Variants in HOOK3 observed in about 807,000 individuals in gnomAD.
HOOK3 encodes the protein hook microtubule tethering protein 3, also known as protein Hook homolog 3.
A neutral mutation model predicts 116.3 loss-of-function variants in HOOK3; 24 were observed. The observed-to-expected ratio is 0.21, with a 90% CI of 0.15 to 0.29. The LOEUF (loss-of-function observed/expected upper bound fraction) is 0.29, where lower values mean the gene tolerates loss of function less well. HOOK3 is among the 10% of genes least tolerant of loss of function. HOOK3 has a pLI of 1.00. For synonymous variants in HOOK3, 275 were observed against 283.0 expected, an observed-to-expected ratio of 0.97 and a Z score of 0.28; for missense variants, 632 against 830.2, an observed-to-expected ratio of 0.76 and a Z score of 2.93.
At chr8:42,941,330 A>G (rs1481936358) in intron 4 of HOOK3, among the ~76,000 whole-genome samples, 2 of 150,366 alleles carry the variant, frequency 1.3e-5, no homozygotes, top group Non-Finnish European at 3.0e-5. Flanking sequence ...CCTGGCTAAC[A>G]CGGTGAAACC....
chr8:42,966,456 T>C lies in HOOK3; in HGVS notation c.780-17T>C. On this transcript the variant is annotated splice_polypyrimidine_tract_variant and intron_variant, in intron 9 of 21. Coordinates refer to ENST00000307602, the MANE Select transcript of HOOK3 (RefSeq NM_032410.4). ...CAGTAAATAGTGCTTTCTTGGTCTA[T>C]TTTATATCGGTTACAGACTAGAAGC... The C allele has an allele frequency of 6.2e-7, 1 of 1,613,480 alleles. No individual in the cohort carries two copies. The highest frequency in any genetic ancestry group is 8.5e-7 in the Non-Finnish European group (1 of 1,179,530).
Position 42,964,299 on chromosome 8 carries a change from A to G in HOOK3, c.616-12A>G, listed in dbSNP as rs762451450. On this transcript the variant is annotated splice_polypyrimidine_tract_variant and intron_variant, in intron 8 of 21. Coordinates refer to ENST00000307602, the MANE Select transcript of HOOK3 (RefSeq NM_032410.4). ...TGGAAGAAATAACTGCCGTCGTCCTATATTCCAACAGGTTGCAGCATTGCA... is the reference window on the plus strand; with the variant it reads ...TGGAAGAAATAACTGCCGTCGTCCTGTATTCCAACAGGTTGCAGCATTGCA... The G allele has an allele frequency of 5.6e-6, 9 of 1,613,842 alleles. No homozygotes were observed. Among genetic ancestry groups the G allele is most frequent in the South Asian group, 5.5e-5 (5 of 91,080 alleles).
At chr8:42,936,116 G>C (rs913436774) in intron 4 of HOOK3, among the ~76,000 whole-genome samples, 2 of 152,050 alleles carry the variant, frequency 1.3e-5, no homozygotes, top group Non-Finnish European at 1.5e-5. Flanking sequence ...CATCCCTTGT[G>C]AGTTGTGTAT....
chr8:42,980,017 G>GC (rs1808908645), intron 13 of HOOK3, among the ~76,000 whole-genome samples: 1 of 147,478 alleles, frequency 6.8e-6, no homozygotes, highest in Non-Finnish European at 1.5e-5. Context: ...AGGCTGGAGC[G>GC]CAATGGTGCG....
intron 2 of HOOK3, among the ~76,000 whole-genome samples, chr8:42,916,815 A>G (rs1807542624): frequency 6.6e-6 from 1 of 152,196 alleles, no homozygotes. Context: ...AAACCTGCAC[A>G]TAACAAAGGC....
At position 42,966,632 on chromosome 8, in the gene HOOK3, C is replaced by T; in HGVS notation, c.920+19C>T. 1.2e-6 allele frequency: 2 copies of T among 1,611,136 alleles called. No individual in the cohort carries two copies. The highest frequency in any genetic ancestry group is 1.7e-6 in the Non-Finnish European group (2 of 1,177,750). On this transcript the variant is annotated intron_variant, in intron 10 of 21. Coordinates refer to ENST00000307602, the MANE Select transcript of HOOK3 (RefSeq NM_032410.4). The stretch of plus-strand genomic sequence containing the variant: ...TGCTGAGGTAAAAACCTCACCTTCA[C>T]CGCCCAGCACAGTTTGGCTCTGGTG...
chr8:42,964,200 G>A lies in HOOK3; in HGVS notation c.616-111G>A, dbSNP rs368008207. 9.0e-5 allele frequency: 96 copies of A among 1,069,996 alleles called. 1 individual carries two copies. The South Asian group carries it at 1.5e-3, about 16-fold the overall frequency. 66.3% of individuals were successfully genotyped at this position (1,069,996 alleles called of 1,614,324 possible). A position where few individuals can be genotyped will look rare whatever the true frequency, so the allele number is the denominator to read the frequency against. On this transcript the variant is annotated intron_variant, in intron 8 of 21. Coordinates refer to ENST00000307602, the MANE Select transcript of HOOK3 (RefSeq NM_032410.4). ...CCAGCCTGGGCGACAGTGAGACTCCGCCTCAAAAAATCTATATATAGGCTT... is the reference window on the plus strand; with the variant it reads ...CCAGCCTGGGCGACAGTGAGACTCCACCTCAAAAAATCTATATATAGGCTT...
chr8:42,916,822 A>C (rs1249433067), intron 2 of HOOK3, among the ~76,000 whole-genome samples: 1 of 152,210 alleles, frequency 6.6e-6, no homozygotes, highest in Non-Finnish European at 1.5e-5. Flanking sequence ...CACATAACAA[A>C]GGCCAAATGG....
At chr8:42,926,238 T>G (rs918564599) in intron 3 of HOOK3, among the ~76,000 whole-genome samples, 4 of 152,224 alleles carry the variant, frequency 2.6e-5, no homozygotes, top group South Asian at 2.1e-4. Context: ...TTTCATTTTA[T>G]TTTTAAAAAT....
chr8:42,919,690 C>T (rs576591283), intron 2 of HOOK3, among the ~76,000 whole-genome samples: 58 of 152,320 alleles, frequency 3.8e-4, no homozygotes, highest in Middle Eastern at 3.4e-3. Flanking sequence ...TCTGCAATCC[C>T]GGCACCTCGG....
In HOOK3 at chr8:43,007,908, G is replaced by C. The variant is rs768656285; in HGVS notation, c.1717G>C (p.Glu573Gln). Residue 573 changes from glutamate (E) to glutamine (Q), a missense_variant, in exon 18 of 22, where the codon GAG (glutamate) becomes CAG (glutamine). Physicochemically the swap from Glu to Gln is conservative, Grantham distance 29. Transcript: ENST00000307602. ...GAAGAGAGCCATTATTGAAGATCTC[G>C]AGCCAAGATTTAACAACAGCTGTGA... ...QKKRAIIEDLEPRFNNSSLKI... is the reference protein window; with the variant it reads ...QKKRAIIEDLQPRFNNSSLKI... 16 of 1,595,052 alleles carry C rather than the reference G, an allele frequency of 1.0e-5. No individual in the cohort carries two copies. The highest frequency in any genetic ancestry group is 3.4e-5 in the South Asian group (3 of 87,712).
In HOOK3 at chr8:42,901,047, T is replaced by C. The variant is rs1395392451; in HGVS notation, c.57+3859T>C. Among the ~76,000 whole-genome samples, 5 of 152,236 alleles carry C rather than the reference T, an allele frequency of 3.3e-5. No homozygotes were observed. The South Asian group carries it at 8.3e-4, about 25-fold the overall frequency. ...TCTTTGCTGTGTGGGCACTGCACTATGCGCTATGTTTAATAGTAGCATCCC... is the reference window on the plus strand; with the variant it reads ...TCTTTGCTGTGTGGGCACTGCACTACGCGCTATGTTTAATAGTAGCATCCC... On this transcript the variant is annotated intron_variant, in intron 1 of 21. Coordinates refer to ENST00000307602, the MANE Select transcript of HOOK3 (RefSeq NM_032410.4).
chr8:42,919,360 A>G (rs1255321006), intron 2 of HOOK3, among the ~76,000 whole-genome samples: 8 of 146,198 alleles, frequency 5.5e-5, no homozygotes, highest in African/African-American at 1.6e-4. Context: ...GTGGCCGGGC[A>G]GAGGCGCTCT....
rs557815781 is a variant in HOOK3 at position 42,916,165 on chromosome 8, C to G, written c.144-9392C>G. The stretch of plus-strand genomic sequence containing the variant: ...GACATTGGTCAGTTTTTCAGTGGAG[C>G]CTGCCCTGCCCACCCTTTTTAATAT... On this transcript the variant is annotated intron_variant, in intron 2 of 21. Transcript: ENST00000307602. Among the ~76,000 whole-genome samples the G allele has an allele frequency of 6.0e-4, 92 of 152,346 alleles. 3 individuals carry two copies. The South Asian group carries it at 0.018, about 31-fold the overall frequency.
chr8:42,906,164 T>C lies in HOOK3; in HGVS notation c.58-9T>C, dbSNP rs779104416. ...AATCTCTCCCCCCCCCCTCTTTTTT[T>C]CCCTTCAGATCCAGACATTTAATGT... On this transcript the variant is annotated splice_polypyrimidine_tract_variant and intron_variant, in intron 1 of 21. Coordinates refer to ENST00000307602, the MANE Select transcript of HOOK3 (RefSeq NM_032410.4). 18 of 913,768 alleles carry C rather than the reference T, an allele frequency of 2.0e-5. No individual in the cohort carries two copies. The African/African-American group carries it at 2.0e-4, about 10-fold the overall frequency. The allele number at this position is 913,768 out of a possible 1,614,324, so 56.6% of individuals were successfully genotyped here.
At chr8:42,999,723 T>C (rs140950998) in intron 16 of HOOK3, among the ~76,000 whole-genome samples, 1 of 152,302 alleles carries the variant, frequency 6.6e-6, no homozygotes, top group Non-Finnish European at 1.5e-5. Context: ...GTTTTTAGCA[T>C]GGAAGCAGAA....
chr8:42,957,548 G>A (rs558662521), intron 7 of HOOK3, among the ~76,000 whole-genome samples: 1 of 151,980 alleles, frequency 6.6e-6, no homozygotes, highest in East Asian at 1.9e-4. Flanking sequence ...TCATTTTCTT[G>A]TAAAATGAAA....
intron 16 of HOOK3, among the ~76,000 whole-genome samples, chr8:42,998,699 A>G (rs1217483757): frequency 6.6e-6 from 1 of 152,086 alleles, no homozygotes; most frequent in Non-Finnish European, 1.5e-5. Context: ...CCTTCATTCT[A>G]ACATGGGTGA....
At chr8:42,935,362 T>C (rs906093696) in intron 4 of HOOK3, among the ~76,000 whole-genome samples, 3 of 152,188 alleles carry the variant, frequency 2.0e-5, no homozygotes, top group African/African-American at 7.2e-5. Context: ...CTGAGGATAG[T>C]TTCTTTTGCT....
Sources: gnomAD v4.1 joint callset for allele counts (sites outside exome capture counted in the v4.1 genomes callset) on GRCh38, gnomAD v4.1.1 for gene constraint, MANE v1.5 for transcripts, NCBI Gene and HGNC (gene_info 2026-07-23, HGNC 2026-07-21) for gene names.